Variants in RPAP2 observed in about 807,000 individuals in gnomAD.
The protein encoded by RPAP2 is RNA polymerase II associated protein 2.
RPAP2 carries 52 observed loss-of-function variants against 73.1 expected under a neutral mutation model. The observed-to-expected ratio is 0.71, with a 90% CI of 0.57 to 0.90. RPAP2 has a LOEUF of 0.90. Ranked by LOEUF, RPAP2 falls within the 40% of genes least tolerant of loss-of-function variation. The probability of loss-of-function intolerance (pLI) is 0.00; values close to 1 mark genes in which losing one functional copy is unlikely to be tolerated. For synonymous variants in RPAP2, 225 were observed against 242.1 expected, an observed-to-expected ratio of 0.93 and a Z score of 0.65; for missense variants, 598 against 701.8, an observed-to-expected ratio of 0.85 and a Z score of 1.67.
Position 92,380,722 on chromosome 1 carries a change from A to C in RPAP2, c.1689-2A>C, listed in dbSNP as rs1167537698. The C allele has an allele frequency of 1.3e-6, 2 of 1,576,498 alleles. No individual in the cohort carries two copies. The highest frequency in any genetic ancestry group is 1.7e-6 in the Non-Finnish European group (2 of 1,167,492). On this transcript the variant is annotated splice_acceptor_variant, in intron 11 of 12. Transcript: ENST00000610020. LOFTEE classifies it high-confidence loss of function. Reference sequence around the variant, plus strand: ...TGCATTTAGTATTTTTGGTTGTTTCAGACTGACCCCAATTCTTGGCATTCA... The same window carrying C: ...TGCATTTAGTATTTTTGGTTGTTTCCGACTGACCCCAATTCTTGGCATTCA...
chr1:92,343,777 G>T (rs997818284), intron 10 of RPAP2, among the ~76,000 whole-genome samples: 2 of 152,104 alleles, frequency 1.3e-5, no homozygotes, highest in African/African-American at 4.8e-5. Flanking sequence ...GGAAAAAAAA[G>T]AAAAACATAT....
intron 6 of RPAP2, among the ~76,000 whole-genome samples, chr1:92,312,169 T>C (rs943637898): frequency 1.3e-5 from 2 of 152,156 alleles, no homozygotes; most frequent in African/African-American, 4.8e-5. Flanking sequence ...CCAGCATTGT[T>C]GCGGGGCAAG....
intron 11 of RPAP2, among the ~76,000 whole-genome samples, chr1:92,374,220 G>A (rs1166494666): frequency 1.3e-5 from 2 of 152,112 alleles, no homozygotes; most frequent in African/African-American, 4.8e-5. Flanking sequence ...ATGACTAAGA[G>A]GAGGAGAATT....
chr1:92,347,854 G>A (rs550369633), intron 11 of RPAP2, among the ~76,000 whole-genome samples: 19 of 152,126 alleles, frequency 1.2e-4, no homozygotes, highest in African/African-American at 4.6e-4. Context: ...TGAATTCACG[G>A]AACAAATTGC....
intron 12 of RPAP2, among the ~76,000 whole-genome samples, chr1:92,382,148 T>C (rs1243692672): frequency 6.6e-6 from 1 of 152,166 alleles, no homozygotes; most frequent in African/African-American, 2.4e-5. Flanking sequence ...ATGTGCCACA[T>C]TTTCTTAATC....
At chr1:92,355,339 A>G (rs897648885) in intron 11 of RPAP2, among the ~76,000 whole-genome samples, 7 of 152,178 alleles carry the variant, frequency 4.6e-5, no homozygotes, top group Non-Finnish European at 8.8e-5. Context: ...TGTTGGCAGT[A>G]TGAGGGATTG....
Position 92,324,288 on chromosome 1 carries a change from T to G in RPAP2, c.1368T>G (p.Thr456=), listed in dbSNP as rs767058853. The stretch of plus-strand genomic sequence containing the variant: ...GTTACGAGAATTTGAAAAAAGAAAC[T>G]GAAAAGTTAAATCTGAGGATCAGGG... ...LPSYENLKKE[T]EKLNLRIREF... The change falls in exon 8 of 13, where the codon ACT becomes ACG. Residue 456 remains threonine, a synonymous_variant. Transcript: ENST00000610020. 1 of 1,613,934 alleles carries G rather than the reference T, an allele frequency of 6.2e-7. No homozygotes were observed. The highest frequency in any genetic ancestry group is 1.7e-5 in the Admixed American group (1 of 60,006).
At chr1:92,345,780 T>C (rs1234204098) in intron 10 of RPAP2, 66 bp from the exon 11 acceptor site, 14 of 992,774 alleles carry the variant, frequency 1.4e-5, no homozygotes, top group Non-Finnish European at 2.0e-5. Flanking sequence ...TCTGATGTTA[T>C]CTAGAAAGAA....
intron 11 of RPAP2, among the ~76,000 whole-genome samples, chr1:92,374,316 TAGG>T (rs1388433784): frequency 1.3e-5 from 2 of 152,134 alleles, no homozygotes; most frequent in Non-Finnish European, 2.9e-5. Flanking sequence ...AAGTGGAAGT[TAGG>T]AGGCCATTAC....
rs1258577029 is a variant in RPAP2 at position 92,392,934 on chromosome 1, C to T, written c.*5923C>T. On this transcript the variant is annotated 3_prime_UTR_variant, in exon 13 of 13. Coordinates refer to ENST00000610020, the MANE Select transcript of RPAP2 (RefSeq NM_024813.3). ...ACTGATTTATAGATTCAATGCTATCCCCATCAAGCTACCACTAACTTTCTT... is the reference window on the plus strand; with the variant it reads ...ACTGATTTATAGATTCAATGCTATCTCCATCAAGCTACCACTAACTTTCTT... 1 of 152,058 alleles carries T rather than the reference C, an allele frequency of 6.6e-6. No homozygotes were observed. The highest frequency in any genetic ancestry group is 2.4e-5 in the African/African-American group (1 of 41,394). The allele number at this position is 152,058 out of a possible 1,614,324, so 9.4% of individuals were successfully genotyped here. A position where few individuals can be genotyped will look rare whatever the true frequency, so the allele number is the denominator to read the frequency against.
chr1:92,383,178 A>G (rs1571153089), intron 12 of RPAP2, among the ~76,000 whole-genome samples: 1 of 152,188 alleles, frequency 6.6e-6, no homozygotes, highest in Non-Finnish European at 1.5e-5. Flanking sequence ...GTAGCCTTGT[A>G]GTATAGTTTG....
At chr1:92,366,238 G>A (rs575483793) in intron 11 of RPAP2, among the ~76,000 whole-genome samples, 1 of 152,170 alleles carries the variant, frequency 6.6e-6, no homozygotes, top group Non-Finnish European at 1.5e-5. Context: ...AGGAGTTTGA[G>A]GCTGCAGTGA....
At chr1:92,354,262 G>A (rs1192169797) in intron 11 of RPAP2, among the ~76,000 whole-genome samples, 3 of 152,164 alleles carry the variant, frequency 2.0e-5, no homozygotes, top group Non-Finnish European at 4.4e-5. Flanking sequence ...GCCACTATAA[G>A]GGTGTGATAA....
At chr1:92,355,361 G>C (rs776921575) in intron 11 of RPAP2, among the ~76,000 whole-genome samples, 2 of 152,042 alleles carry the variant, frequency 1.3e-5, no homozygotes, top group Non-Finnish European at 2.9e-5. Context: ...AGTAAATCCA[G>C]GTTAAATCAA....
chr1:92,310,739 A>G (rs1651543129), intron 6 of RPAP2, among the ~76,000 whole-genome samples: 1 of 152,190 alleles, frequency 6.6e-6, no homozygotes, highest in Non-Finnish European at 1.5e-5. Context: ...TCTACTAAAA[A>G]TATAAAAATT....
At chr1:92,369,147 C>T (rs891112554) in intron 11 of RPAP2, among the ~76,000 whole-genome samples, 1 of 152,162 alleles carries the variant, frequency 6.6e-6, no homozygotes, top group Non-Finnish European at 1.5e-5. Flanking sequence ...TTACTTACAG[C>T]CAATCACATT....
At chr1:92,300,814 G>T (rs1293934182) in intron 2 of RPAP2, among the ~76,000 whole-genome samples, 1 of 152,198 alleles carries the variant, frequency 6.6e-6, no homozygotes, top group Admixed American at 6.5e-5. Flanking sequence ...TTGAGTATAA[G>T]ATATGTCGGA....
intron 11 of RPAP2, among the ~76,000 whole-genome samples, chr1:92,361,088 A>G (rs1654709651): frequency 7.7e-6 from 1 of 129,958 alleles, no homozygotes; most frequent in Non-Finnish European, 1.6e-5. Flanking sequence ...ATATATATAT[A>G]TATAATATAT....
At chr1:92,357,900 G>A (rs538698999) in intron 11 of RPAP2, among the ~76,000 whole-genome samples, 237 of 152,112 alleles carry the variant, frequency 1.6e-3, no homozygotes, top group Non-Finnish European at 2.6e-3. Flanking sequence ...TAAATTTTTT[G>A]TTTTTGTTTT....
Sources: gnomAD v4.1 joint callset for allele counts (sites outside exome capture counted in the v4.1 genomes callset) on GRCh38, gnomAD v4.1.1 for gene constraint, MANE v1.5 for transcripts, NCBI Gene and HGNC (gene_info 2026-07-23, HGNC 2026-07-21) for gene names.